TRAPPC8: variants seen among roughly 807,000 people sequenced by gnomAD.
TRAPPC8 encodes the protein trafficking protein particle complex subunit 8.
In TRAPPC8, 54 loss-of-function variants were observed where a neutral mutation model predicts 174.3. That is an observed-to-expected ratio of 0.31 (90% CI 0.25 to 0.39). The LOEUF is 0.39. Among genes scored for constraint, TRAPPC8 ranks in the 10% least tolerant of loss-of-function variants. The pLI is 1.00. For missense variants in TRAPPC8, 1,531 were observed against 1,699.1 expected, an observed-to-expected ratio of 0.90 and a Z score of 1.74; for synonymous variants, 630 against 579.9, an observed-to-expected ratio of 1.09 and a Z score of -1.24.
At chr18:31,881,637 T>C (rs572737907) in intron 12 of TRAPPC8, among the ~76,000 whole-genome samples, 2 of 152,104 alleles carry the variant, frequency 1.3e-5, no homozygotes, top group South Asian at 4.2e-4. Context: ...AAAACAAAAA[T>C]TGACAACTGG....
At chr18:31,838,766 T>C (rs1360091852) in intron 27 of TRAPPC8, among the ~76,000 whole-genome samples, 1 of 152,184 alleles carries the variant, frequency 6.6e-6, no homozygotes, top group Admixed American at 6.5e-5. Flanking sequence ...ACCTTTGAGA[T>C]AGTTTCTTTT....
chr18:31,922,335 G>A (rs2037425420), intron 2 of TRAPPC8, among the ~76,000 whole-genome samples: 1 of 152,246 alleles, frequency 6.6e-6, no homozygotes, highest in South Asian at 2.1e-4. Context: ...GCTCATGCCT[G>A]TAATCCCAGC....
intron 12 of TRAPPC8, among the ~76,000 whole-genome samples, chr18:31,882,762 G>A (rs545944421): frequency 2.6e-5 from 4 of 151,640 alleles, no homozygotes; most frequent in South Asian, 2.1e-4. Flanking sequence ...GATTACAGAC[G>A]CATGCTATCA....
chr18:31,933,055 A>G (rs923029766), intron 1 of TRAPPC8, among the ~76,000 whole-genome samples: 7 of 147,100 alleles, frequency 4.8e-5, no homozygotes, highest in African/African-American at 1.8e-4. Context: ...TAATCCCAGC[A>G]CTTTGGGAGG....
At chr18:31,843,841 TCAGA>T (rs1270594371) in intron 26 of TRAPPC8, among the ~76,000 whole-genome samples, 4 of 152,318 alleles carry the variant, frequency 2.6e-5, no homozygotes, top group East Asian at 3.9e-4. Context: ...CTATTTTCTC[TCAGA>T]CAATTTTAAA....
chr18:31,849,665 A>G lies in TRAPPC8; in HGVS notation c.3636T>C (p.Ala1212=), dbSNP rs1359341804. 3.1e-6 allele frequency: 5 copies of G among 1,612,626 alleles called. No homozygotes were observed. The highest frequency in any genetic ancestry group is 4.2e-6 in the Non-Finnish European group (5 of 1,179,374). Residue 1212 remains alanine (A), a synonymous_variant, in exon 25 of 29, where the codon GCT becomes GCC. Transcript: ENST00000283351. ...SLSSELKKPQ[A]HLPVHTEKQS... ...GTTTTTCTGTATGCACAGGCAAGTG[A>G]GCTTGTGGTTTTTTCAATTCAGAAG...
At chr18:31,904,883 A>C (rs2036591844) in intron 9 of TRAPPC8, among the ~76,000 whole-genome samples, 1 of 152,010 alleles carries the variant, frequency 6.6e-6, no homozygotes, top group Non-Finnish European at 1.5e-5. Context: ...TTCAAAAATC[A>C]GCTGGCAGTG....
Position 31,886,344 on chromosome 18 carries a change from GGAAAAAAAAA to G in TRAPPC8, c.1728+4381_1728+4390del, listed in dbSNP as rs1020681428. Among the ~76,000 whole-genome samples, 702 of 71,260 alleles carry G rather than the reference GGAAAAAAAAA, an allele frequency of 9.9e-3. 4 individuals carry two copies. Among genetic ancestry groups the G allele is most frequent in the African/African-American group, 0.033 (629 of 18,842 alleles). 46.7% of individuals were successfully genotyped at this position (71,260 alleles called of 152,430 possible). A position where few individuals can be genotyped will look rare whatever the true frequency, so the allele number is the denominator to read the frequency against. On this transcript the variant is annotated intron_variant, in intron 12 of 28. Coordinates refer to ENST00000283351, the MANE Select transcript of TRAPPC8 (RefSeq NM_014939.5). ...TTAATTTTTAAGTGATGTTTCTTGA[GGAAAAAAAAA>G]AAAAAAAAAAAAGGCAACCCTATCT...
intron 18 of TRAPPC8, among the ~76,000 whole-genome samples, chr18:31,865,797 A>T (rs2034558908): frequency 6.6e-6 from 1 of 151,234 alleles, no homozygotes; most frequent in South Asian, 2.1e-4. Context: ...TAGCATTTTT[A>T]AATTATAAAT....
intron 24 of TRAPPC8, among the ~76,000 whole-genome samples, chr18:31,850,942 T>G (rs1004133273): frequency 6.6e-6 from 1 of 152,202 alleles, no homozygotes; most frequent in Non-Finnish European, 1.5e-5. Flanking sequence ...TCCTGAAAAC[T>G]AAATTCAACT....
chr18:31,838,918 A>G (rs2032929545), intron 27 of TRAPPC8, among the ~76,000 whole-genome samples: 1 of 151,966 alleles, frequency 6.6e-6, no homozygotes, highest in Non-Finnish European at 1.5e-5. Flanking sequence ...TCCTATCCCC[A>G]TCCCCATCCA....
At chr18:31,837,421 G>C (rs1245699454) in intron 27 of TRAPPC8, among the ~76,000 whole-genome samples, 1 of 152,216 alleles carries the variant, frequency 6.6e-6, no homozygotes, top group Non-Finnish European at 1.5e-5. Context: ...CTATGGCTGA[G>C]CGTGGTGGCT....
At chr18:31,867,096 A>G in intron 17 of TRAPPC8, 121 bp from the exon 18 acceptor site, 1 of 1,044,862 alleles carries the variant, frequency 9.6e-7, no homozygotes, top group Non-Finnish European at 1.3e-6. Context: ...ATGCCAATTA[A>G]TTTATGAAAA....
At chr18:31,931,632 G>T in intron 1 of TRAPPC8, 109 bp from the exon 2 acceptor site, 1 of 751,064 alleles carries the variant, frequency 1.3e-6, no homozygotes, top group Non-Finnish European at 2.0e-6. Context: ...GCAGAAGCCA[G>T]CAATTCCAAG....
intron 12 of TRAPPC8, among the ~76,000 whole-genome samples, chr18:31,877,629 A>AAT (rs1466448018): frequency 4.7e-5 from 7 of 149,544 alleles, no homozygotes; most frequent in South Asian, 2.1e-4. Flanking sequence ...AAAAAAAAAA[A>AAT]AGTGAGCCCA....
chr18:31,831,971 A>C, intron 28 of TRAPPC8, 113 bp downstream of exon 28: 1 of 671,676 alleles, frequency 1.5e-6, no homozygotes, highest in East Asian at 3.6e-5. Flanking sequence ...ACCAAACAAA[A>C]AACCAGGACA....
chr18:31,904,617 ATATC>A (rs1275930843), intron 9 of TRAPPC8, among the ~76,000 whole-genome samples: 1 of 152,246 alleles, frequency 6.6e-6, no homozygotes. Context: ...AATATGAACG[ATATC>A]TATTTTAGAA....
rs202011473 is a variant in TRAPPC8, at chr18:31,910,876, A to AT, written c.772-1117dup. Among the ~76,000 whole-genome samples the AT allele has an allele frequency of 8.8e-3, 1,337 of 152,194 alleles. 24 individuals are homozygous for AT. Among genetic ancestry groups the AT allele is most frequent in the African/African-American group, 0.03 (1,248 of 41,528 alleles). Reference sequence around the variant, plus strand: ...CTTAGGTGACTGAACTCTAAAGTGTATTTTTTTCAGTACTGTTCTTATTCT... The same window carrying AT: ...CTTAGGTGACTGAACTCTAAAGTGTATTTTTTTTCAGTACTGTTCTTATTCT... On this transcript the variant is annotated intron_variant, in intron 5 of 28. Transcript: ENST00000283351.
At chr18:31,861,944 G>A (rs1313914492) in intron 19 of TRAPPC8, among the ~76,000 whole-genome samples, 1 of 136,224 alleles carries the variant, frequency 7.3e-6, no homozygotes, top group African/African-American at 2.7e-5. Context: ...AAAGGGGGGG[G>A]GGGGCGGTGG....
Sources: allele counts gnomAD v4.1 joint callset (sites outside exome capture counted in the v4.1 genomes callset), GRCh38; gene constraint gnomAD v4.1.1; transcripts MANE v1.5; gene names NCBI Gene and HGNC (gene_info 2026-07-23, HGNC 2026-07-21).